The following PEX5L variants were observed in gnomAD, a reference collection of about 807,000 sequenced individuals.
PEX5L encodes the protein peroxisomal biogenesis factor 5 like.
In PEX5L, 30 loss-of-function variants were observed where a neutral mutation model predicts 84.0. That is an observed-to-expected ratio of 0.36 (90% CI 0.27 to 0.48). PEX5L has a LOEUF of 0.48. Ranked by LOEUF, PEX5L falls within the 20% of genes least tolerant of loss-of-function variation. The probability of loss-of-function intolerance (pLI) is 0.99; values close to 1 mark genes in which losing one functional copy is unlikely to be tolerated. For synonymous variants in PEX5L, 270 were observed against 283.1 expected, an observed-to-expected ratio of 0.95 and a Z score of 0.46; for missense variants, 533 against 754.6, an observed-to-expected ratio of 0.71 and a Z score of 3.44.
chr3:179,813,976 AT>A (rs71182520), intron 10 of PEX5L, among the ~76,000 whole-genome samples: 29,486 of 132,004 alleles, frequency 0.22, 2,657 homozygotes, highest in African/African-American at 0.32. Context: ...GCGCCCGGCC[AT>A]TTTTTTTTTT....
intron 2 of PEX5L, among the ~76,000 whole-genome samples, chr3:179,966,206 T>C (rs1033614157): frequency 6.6e-6 from 1 of 152,178 alleles, no homozygotes; most frequent in African/African-American, 2.4e-5. Flanking sequence ...GTCCTTCGAA[T>C]GTCTCAGAGT....
intron 4 of PEX5L, among the ~76,000 whole-genome samples, chr3:179,885,114 C>T (rs1755392121): frequency 6.6e-6 from 1 of 151,956 alleles, no homozygotes; most frequent in Non-Finnish European, 1.5e-5. Context: ...TCTGTGTGAA[C>T]CAGGTGCACT....
Position 179,800,719 on chromosome 3 carries a change from C to T in PEX5L, c.*1109G>A, listed in dbSNP as rs545738564. 3 of 152,166 alleles carry T rather than the reference C, an allele frequency of 2.0e-5. No individual in the cohort carries two copies. Among genetic ancestry groups the T allele is most frequent in the African/African-American group, 7.2e-5 (3 of 41,498 alleles). The allele number at this position is 152,166 out of a possible 1,614,324, so 9.4% of individuals were successfully genotyped here. ...TTAGAATGCAAGGGGATGAACAGTG[C>T]AGATTATTATGAAACTAAGAAAACA... On this transcript the variant is annotated 3_prime_UTR_variant, in exon 15 of 15. Coordinates refer to ENST00000467460, the MANE Select transcript of PEX5L (RefSeq NM_016559.3).
At chr3:179,823,916 C>T (rs1029723910) in intron 8 of PEX5L, among the ~76,000 whole-genome samples, 5 of 151,910 alleles carry the variant, frequency 3.3e-5, no homozygotes, top group East Asian at 1.9e-4. Flanking sequence ...TTTAAAGGGG[C>T]CTTCTAGTCT....
At chr3:179,822,694 G>A (rs1258024024) in intron 8 of PEX5L, among the ~76,000 whole-genome samples, 1 of 152,138 alleles carries the variant, frequency 6.6e-6, no homozygotes, top group Non-Finnish European at 1.5e-5. Flanking sequence ...ATTTATTGAT[G>A]ATTTTCTTAG....
chr3:179,882,089 T>A (rs185606028), intron 4 of PEX5L, among the ~76,000 whole-genome samples: 2 of 152,346 alleles, frequency 1.3e-5, no homozygotes, highest in African/African-American at 2.4e-5. Context: ...CTAGGCCCAA[T>A]GTGATGTCCT....
intron 4 of PEX5L, chr3:179,881,296 C>T (rs1754090108): frequency 6.6e-6 from 1 of 152,224 alleles, no homozygotes; most frequent in South Asian, 2.1e-4. Context: ...AGTGCATGGG[C>T]TTCATGAGTT....
At chr3:179,960,957 C>T (rs1038792501) in intron 2 of PEX5L, among the ~76,000 whole-genome samples, 1 of 152,024 alleles carries the variant, frequency 6.6e-6, no homozygotes, top group Middle Eastern at 3.2e-3. Context: ...TGTTTTTCTA[C>T]AACAAAATTA....
intron 1 of PEX5L, among the ~76,000 whole-genome samples, chr3:180,013,816 A>G (rs66906982): frequency 0.13 from 19,353 of 152,188 alleles, 1,352 homozygotes; most frequent in African/African-American, 0.19. Flanking sequence ...AATAATAATG[A>G]TTGTATTATG....
intron 1 of PEX5L, among the ~76,000 whole-genome samples, chr3:179,984,089 T>C (rs1313514177): frequency 6.6e-6 from 1 of 152,114 alleles, no homozygotes; most frequent in African/African-American, 2.4e-5. Context: ...ACAGTGCTAC[T>C]AAACCTCAAG....
intron 2 of PEX5L, among the ~76,000 whole-genome samples, chr3:179,955,434 C>CT (rs55932679): frequency 1.3e-4 from 18 of 139,912 alleles, no homozygotes; most frequent in Admixed American, 2.9e-4. Flanking sequence ...TGTTATGTGA[C>CT]TTTTTTTTTT....
At chr3:179,968,535 T>C (rs75325860) in intron 2 of PEX5L, among the ~76,000 whole-genome samples, 3,526 of 152,258 alleles carry the variant, frequency 0.023, 140 homozygotes, top group African/African-American at 0.081. Flanking sequence ...ACTAATTAGT[T>C]ATATTATTTT....
At chr3:180,027,619 G>C (rs1161135406) in intron 1 of PEX5L, among the ~76,000 whole-genome samples, 3 of 152,098 alleles carry the variant, frequency 2.0e-5, no homozygotes, top group Non-Finnish European at 4.4e-5. Flanking sequence ...CATAGCCACA[G>C]TATAGTCATC....
intron 8 of PEX5L, among the ~76,000 whole-genome samples, chr3:179,853,572 G>T (rs1449144400): frequency 1.3e-5 from 2 of 152,108 alleles, no homozygotes; most frequent in Non-Finnish European, 2.9e-5. Context: ...TCCTTCCTAG[G>T]GACCTAGTGG....
intron 1 of PEX5L, chr3:179,973,357 T>C: frequency 1.7e-6 from 2 of 1,174,820 alleles, no homozygotes; most frequent in Non-Finnish European, 2.2e-6. Context: ...CAACAATAAT[T>C]GAAGTATTCC....
At chr3:179,810,946 T>C (rs1723521346) in intron 11 of PEX5L, among the ~76,000 whole-genome samples, 3 of 152,300 alleles carry the variant, frequency 2.0e-5, no homozygotes, top group East Asian at 3.9e-4. Flanking sequence ...GTTCTGTCTC[T>C]GTTACATACT....
At chr3:180,019,499 C>T (rs1432881626) in intron 1 of PEX5L, among the ~76,000 whole-genome samples, 26 of 152,114 alleles carry the variant, frequency 1.7e-4, no homozygotes, top group Non-Finnish European at 1.3e-4. Flanking sequence ...TTTAAATGTG[C>T]AAACAGGCAA....
At chr3:179,821,009 C>A (rs972085824) in intron 8 of PEX5L, among the ~76,000 whole-genome samples, 3 of 152,136 alleles carry the variant, frequency 2.0e-5, no homozygotes, top group African/African-American at 7.2e-5. Flanking sequence ...TCACTTGAAC[C>A]CCTGTTCTCA....
In PEX5L at chr3:179,796,295, T is replaced by G. The variant is rs1716924812; in HGVS notation, c.*5533A>C. 6.6e-6 allele frequency: 1 copy of G among 152,172 alleles called. No homozygotes were observed. The highest frequency in any genetic ancestry group is 2.4e-5 in the African/African-American group (1 of 41,440). 9.4% of individuals were successfully genotyped at this position (152,172 alleles called of 1,614,324 possible). A position where few individuals can be genotyped will look rare whatever the true frequency, so the allele number is the denominator to read the frequency against. On this transcript the variant is annotated 3_prime_UTR_variant, in exon 15 of 15. Transcript: ENST00000467460. ...TTTGAGTGCAGGCTTCTATTAAGTA[T>G]CCCACGGAGCTCATCAGGGTTTTGC...
Sources: allele counts gnomAD v4.1 joint callset (sites outside exome capture counted in the v4.1 genomes callset), GRCh38; gene constraint gnomAD v4.1.1; transcripts MANE v1.5; gene names NCBI Gene and HGNC (gene_info 2026-07-23, HGNC 2026-07-21).